UNC5D: variants seen among roughly 807,000 people sequenced by gnomAD.
The protein encoded by UNC5D is netrin receptor UNC5D.
A neutral mutation model predicts 105.4 loss-of-function variants in UNC5D; 39 were observed. The ratio of observed to expected loss-of-function variants is 0.37; its 90% CI spans 0.29 to 0.48. UNC5D has a LOEUF of 0.48. UNC5D is among the 20% of genes least tolerant of loss of function. The pLI, the probability that UNC5D is intolerant of heterozygous loss-of-function variation, is 0.98. For synonymous variants in UNC5D, 452 were observed against 450.4 expected, an observed-to-expected ratio of 1.00 and a Z score of -0.04; for missense variants, 991 against 1,202.4, an observed-to-expected ratio of 0.82 and a Z score of 2.60.
At chr8:35,496,206 G>C (rs1479121139) in intron 1 of UNC5D, among the ~76,000 whole-genome samples, 1 of 152,178 alleles carries the variant, frequency 6.6e-6, no homozygotes, top group Non-Finnish European at 1.5e-5. Flanking sequence ...GGTAGAAGAG[G>C]TTGCACACAG....
At chr8:35,319,054 T>C (rs1809514873) in intron 1 of UNC5D, among the ~76,000 whole-genome samples, 1 of 152,130 alleles carries the variant, frequency 6.6e-6, no homozygotes, top group African/African-American at 2.4e-5. Context: ...GATTCCATGA[T>C]TCCTGCGCAG....
At chr8:35,601,212 A>G (rs1005499852) in intron 4 of UNC5D, among the ~76,000 whole-genome samples, 3 of 152,122 alleles carry the variant, frequency 2.0e-5, no homozygotes, top group South Asian at 2.1e-4. Context: ...GCCTTGTAGT[A>G]TAGTTTAAAG....
rs28499038 is a variant in UNC5D, at chr8:35,626,956, A to T, written c.570+31299A>T. Among the ~76,000 whole-genome samples, 961 of 152,320 alleles carry T rather than the reference A, an allele frequency of 6.3e-3. 8 individuals carry two copies. The highest frequency in any genetic ancestry group is 0.021 in the African/African-American group (863 of 41,576). On this transcript the variant is annotated intron_variant, in intron 4 of 16. Transcript: ENST00000404895. ...GAAGTAGCTGCTACCCCGAAGCAGA[A>T]TAGTTTCTTTAACTAGCACTTTGGT...
At chr8:35,783,704 C>G (rs1794758872) in intron 16 of UNC5D, among the ~76,000 whole-genome samples, 1 of 152,132 alleles carries the variant, frequency 6.6e-6, no homozygotes, top group African/African-American at 2.4e-5. Flanking sequence ...CATTTGAATA[C>G]TCAGGGATTT....
At chr8:35,773,791 C>G (rs1802112077) in intron 15 of UNC5D, among the ~76,000 whole-genome samples, 1 of 152,188 alleles carries the variant, frequency 6.6e-6, no homozygotes, top group Admixed American at 6.5e-5. Flanking sequence ...GGCGGGATCT[C>G]AACTTACTGC....
At chr8:35,479,503 G>T (rs374595687) in intron 1 of UNC5D, among the ~76,000 whole-genome samples, 73 of 152,218 alleles carry the variant, frequency 4.8e-4, no homozygotes, top group African/African-American at 1.7e-3. Flanking sequence ...ATTCATCGCA[G>T]CACTGTTCAC....
intron 4 of UNC5D, among the ~76,000 whole-genome samples, chr8:35,609,171 C>A (rs1295039220): frequency 6.6e-6 from 1 of 152,054 alleles, no homozygotes; most frequent in African/African-American, 2.4e-5. Flanking sequence ...TGATGTTAAA[C>A]TTTTTTTCAT....
rs779806323 is a variant in UNC5D at position 35,549,479 on chromosome 8, C to T, written c.291C>T (p.His97=). The T allele has an allele frequency of 1.2e-5, 19 of 1,612,084 alleles. No individual in the cohort carries two copies. The highest frequency in any genetic ancestry group is 1.1e-4 in the African/African-American group (8 of 74,844). ...GCGAGTGGGTCCATCAGAACGAGCA[C>T]GTCTCTGAAGAGACTCTGGACGAGA... The part of the protein sequence containing the change: ...CNGEWVHQNE[H]VSEETLDESS... The change falls in exon 2 of 17, where the codon CAC becomes CAT. Residue 97 remains histidine (H), a synonymous_variant. Transcript: ENST00000404895.
intron 1 of UNC5D, among the ~76,000 whole-genome samples, chr8:35,439,142 T>C (rs1807230372): frequency 6.6e-6 from 1 of 151,996 alleles, no homozygotes; most frequent in Non-Finnish European, 1.5e-5. Context: ...CAGATTGCCT[T>C]ACAGACTGAA....
intron 1 of UNC5D, among the ~76,000 whole-genome samples, chr8:35,243,209 A>G (rs1802900651): frequency 6.6e-6 from 1 of 152,176 alleles, no homozygotes; most frequent in East Asian, 1.9e-4. Flanking sequence ...GCAAGCCAGT[A>G]TGAAGTGGAA....
intron 1 of UNC5D, among the ~76,000 whole-genome samples, chr8:35,396,440 T>A (rs1481667968): frequency 6.6e-6 from 1 of 151,930 alleles, no homozygotes; most frequent in African/African-American, 2.4e-5. Context: ...CACATGCAGA[T>A]GATCCCAGCT....
chr8:35,701,940 T>C (rs1000851071), intron 7 of UNC5D, among the ~76,000 whole-genome samples: 2 of 149,310 alleles, frequency 1.3e-5, no homozygotes, highest in East Asian at 3.9e-4. Context: ...TTATTTTGGA[T>C]GCACAACTAC....
rs372175982 is a variant in UNC5D, at chr8:35,415,399, A to G, written c.104-133893A>G. 2.6e-4 allele frequency among the ~76,000 whole-genome samples: 40 copies of G among 152,296 alleles called. No individual in the cohort carries two copies. In the East Asian group the frequency reaches 4.4e-3, roughly 17 times the overall value. ...TATTTTCACTTCTTTTATGGATTGA[A>G]TAAGCAATAAATGTATGTCATATAT... On this transcript the variant is annotated intron_variant, in intron 1 of 16. Transcript: ENST00000404895.
At chr8:35,590,211 T>C (rs753032337) in intron 3 of UNC5D, among the ~76,000 whole-genome samples, 2 of 152,124 alleles carry the variant, frequency 1.3e-5, no homozygotes, top group Non-Finnish European at 2.9e-5. Context: ...CTGTTAACCC[T>C]CTGCCCTTGA....
intron 1 of UNC5D, among the ~76,000 whole-genome samples, chr8:35,396,672 G>T (rs536334305): frequency 1.3e-5 from 2 of 151,716 alleles, no homozygotes; most frequent in South Asian, 4.2e-4. Flanking sequence ...TAATTTTTGT[G>T]TTTTCAGTAG....
At chr8:35,550,845 T>C (rs1230130068) in intron 2 of UNC5D, among the ~76,000 whole-genome samples, 1 of 152,102 alleles carries the variant, frequency 6.6e-6, no homozygotes, top group East Asian at 1.9e-4. Flanking sequence ...TGCTACACCA[T>C]ATGGAGGAGA....
intron 1 of UNC5D, among the ~76,000 whole-genome samples, chr8:35,541,255 A>G (rs1222845776): frequency 1.3e-5 from 2 of 152,194 alleles, no homozygotes; most frequent in African/African-American, 2.4e-5. Flanking sequence ...CAGATCAGTT[A>G]CAGCTCAATG....
chr8:35,381,171 C>A (rs1227479633), intron 1 of UNC5D, among the ~76,000 whole-genome samples: 1 of 152,072 alleles, frequency 6.6e-6, no homozygotes, highest in African/African-American at 2.4e-5. Flanking sequence ...TAAAAATCAG[C>A]TTCCTAAATG....
intron 4 of UNC5D, among the ~76,000 whole-genome samples, chr8:35,642,972 G>A (rs1025454245): frequency 6.6e-6 from 1 of 152,254 alleles, no homozygotes; most frequent in East Asian, 1.9e-4. Context: ...CACGGAGCAG[G>A]CTTAGAAACA....
Sources: allele counts gnomAD v4.1 joint callset (sites outside exome capture counted in the v4.1 genomes callset), GRCh38; gene constraint gnomAD v4.1.1; transcripts MANE v1.5; gene names NCBI Gene and HGNC (gene_info 2026-07-23, HGNC 2026-07-21).